Variants in FBXO25 observed in about 807,000 individuals in gnomAD.
FBXO25 encodes the protein F-box protein 25, also known as F-box only protein 25.
A neutral mutation model predicts 51.9 loss-of-function variants in FBXO25; 45 were observed. The ratio of observed to expected loss-of-function variants is 0.87; its 90% CI spans 0.68 to 1.11. FBXO25 has a LOEUF of 1.11. FBXO25 is among the 50% of genes most tolerant of loss of function. The pLI, the probability that FBXO25 is intolerant of heterozygous loss-of-function variation, is 0.00. For synonymous variants in FBXO25, 199 were observed against 151.0 expected (o/e 1.32, Z -2.33); for missense variants, 507 against 428.5 (o/e 1.18, Z -1.62).
At chr8:437,128 T>C (rs1176135048) in intron 5 of FBXO25, among the ~76,000 whole-genome samples, 7 of 152,220 alleles carry the variant, frequency 4.6e-5, no homozygotes, top group Admixed American at 4.6e-4. Flanking sequence ...TCAAATTTAC[T>C]TTTCTAAACA....
chr8:456,055 T>A (rs995493278), intron 7 of FBXO25, among the ~76,000 whole-genome samples: 1 of 152,232 alleles, frequency 6.6e-6, no homozygotes, highest in Non-Finnish European at 1.5e-5. Context: ...CCTTTAAAGT[T>A]TGTAATTTTA....
chr8:429,811 G>A (rs1411754959), intron 2 of FBXO25, among the ~76,000 whole-genome samples: 1 of 152,226 alleles, frequency 6.6e-6, no homozygotes, highest in Non-Finnish European at 1.5e-5. Flanking sequence ...GCAGGCCCAG[G>A]AAGTGTCCCA....
chr8:469,539 A>T lies in FBXO25; in HGVS notation c.*735A>T, dbSNP rs1321482845. ...CTTCAATTGTGTTGAAACTACTTTA[A>T]TAGACAAAGTAATAAATCATGTTTA... On this transcript the variant is annotated 3_prime_UTR_variant, in exon 10 of 10. Coordinates refer to ENST00000350302, the MANE Select transcript of FBXO25 (RefSeq NM_183420.2). 1 of 152,226 alleles carries T rather than the reference A, an allele frequency of 6.6e-6. No homozygotes were observed. Among genetic ancestry groups the T allele is most frequent in the Non-Finnish European group, 1.5e-5 (1 of 68,040 alleles). 9.4% of individuals were successfully genotyped at this position (152,226 alleles called of 1,614,324 possible). A position where few individuals can be genotyped will look rare whatever the true frequency, so the allele number is the denominator to read the frequency against.
chr8:474,049 TACA>T lies in FBXO25; in HGVS notation c.*5247_*5249del, dbSNP rs1800568554. 1 of 152,300 alleles carries T rather than the reference TACA, an allele frequency of 6.6e-6. No homozygotes were observed. Among genetic ancestry groups the T allele is most frequent in the Non-Finnish European group, 1.5e-5 (1 of 68,134 alleles). The allele number at this position is 152,300 out of a possible 1,614,324, so 9.4% of individuals were successfully genotyped here. On this transcript the variant is annotated 3_prime_UTR_variant, in exon 10 of 10. Coordinates refer to ENST00000350302, the MANE Select transcript of FBXO25 (RefSeq NM_183420.2). ...TACCACGTATCCACAAGTTCAACTT[TACA>T]AGATGAACTTTTGTCATCTTGTAAA... is the stretch of plus-strand genomic sequence containing the variant.
At chr8:426,290 T>A (rs1220713978) in intron 2 of FBXO25, among the ~76,000 whole-genome samples, 6 of 152,230 alleles carry the variant, frequency 3.9e-5, no homozygotes, top group African/African-American at 1.4e-4. Context: ...ACTTTTACCC[T>A]TGATAGTCAC....
At chr8:460,169 C>T (rs1310665191) in intron 8 of FBXO25, among the ~76,000 whole-genome samples, 2 of 152,208 alleles carry the variant, frequency 1.3e-5, no homozygotes, top group African/African-American at 2.4e-5. Flanking sequence ...CCGAGCTGTT[C>T]CCAAAAGGCG....
rs1411367184 is a variant in FBXO25 at position 472,866 on chromosome 8, A to T, written c.*4062A>T. 6.6e-6 allele frequency: 1 copy of T among 152,270 alleles called. No homozygotes were observed. The highest frequency in any genetic ancestry group is 6.5e-5 in the Admixed American group (1 of 15,284). 9.4% of individuals were successfully genotyped at this position (152,270 alleles called of 1,614,324 possible). On this transcript the variant is annotated 3_prime_UTR_variant, in exon 10 of 10. Coordinates refer to ENST00000350302, the MANE Select transcript of FBXO25 (RefSeq NM_183420.2). ...TGCCCTCTGAGAAAAGTCAGAAGCA[A>T]GCCTGCCTTATGAAACTCGACTTTT...
chr8:422,934 A>T (rs7836024), intron 2 of FBXO25, among the ~76,000 whole-genome samples: 3,604 of 152,154 alleles, frequency 0.024, 89 homozygotes, highest in East Asian at 0.12. Flanking sequence ...TTAAAAGTCT[A>T]TTCTGCTGTA....
chr8:407,223 G>C (rs1403326950), intron 1 of FBXO25, among the ~76,000 whole-genome samples, 157 bp downstream of exon 1: 3 of 149,756 alleles, frequency 2.0e-5, no homozygotes, highest in Non-Finnish European at 3.0e-5. Flanking sequence ...GGAAGACATG[G>C]GGTCGCGAGC....
At chr8:449,337 C>T (rs1237136014) in intron 5 of FBXO25, among the ~76,000 whole-genome samples, 1 of 152,216 alleles carries the variant, frequency 6.6e-6, no homozygotes, top group Non-Finnish European at 1.5e-5. Flanking sequence ...GGAGCAGCGG[C>T]GAGGGCCTCG....
chr8:407,985 A>G (rs1796266189), intron 1 of FBXO25, among the ~76,000 whole-genome samples: 2 of 152,028 alleles, frequency 1.3e-5, no homozygotes, highest in African/African-American at 4.8e-5. Context: ...CTGCCTCCAA[A>G]TCCTTACCAT....
rs187108908 is a variant in FBXO25, at chr8:475,455, G to T, written c.*6651G>T. The T allele has an allele frequency of 6.9e-6, 1 of 145,350 alleles. No individual in the cohort carries two copies. The highest frequency in any genetic ancestry group is 6.9e-5 in the Admixed American group (1 of 14,540). The allele number at this position is 145,350 out of a possible 1,614,324, so 9.0% of individuals were successfully genotyped here. A position where few individuals can be genotyped will look rare whatever the true frequency, so the allele number is the denominator to read the frequency against. On this transcript the variant is annotated 3_prime_UTR_variant, in exon 10 of 10. Coordinates refer to ENST00000350302, the MANE Select transcript of FBXO25 (RefSeq NM_183420.2). ...GAGATTCCATATGAGTTTCAGGATG[G>T]AAAAAAAAAAGCCACTGGGATATTC...
intron 5 of FBXO25, among the ~76,000 whole-genome samples, chr8:437,738 TA>T (rs1247662995): frequency 7.3e-6 from 1 of 136,884 alleles, no homozygotes; most frequent in Non-Finnish European, 1.6e-5. Flanking sequence ...CAGTGTGTGC[TA>T]TTTTTTTTTT....
At chr8:432,734 A>G in intron 3 of FBXO25, 152 bp from the exon 4 acceptor site, 1 of 966,958 alleles carries the variant, frequency 1.0e-6, no homozygotes, top group South Asian at 2.0e-5. Context: ...AAACAAAGCA[A>G]TTCTGTTTGC....
intron 2 of FBXO25, among the ~76,000 whole-genome samples, chr8:417,417 G>A (rs1318220265): frequency 6.6e-6 from 1 of 152,242 alleles, no homozygotes; most frequent in East Asian, 1.9e-4. Flanking sequence ...GGCGGTGGAT[G>A]AGGAAGGGCT....
At chr8:431,735 C>A (rs1490652255) in intron 3 of FBXO25, among the ~76,000 whole-genome samples, 4 of 152,170 alleles carry the variant, frequency 2.6e-5, no homozygotes, top group Non-Finnish European at 5.9e-5. Context: ...TGAGGCCAAA[C>A]TGAGAGGTGT....
In FBXO25 at chr8:470,677, A is replaced by C. The variant is rs1800454231; in HGVS notation, c.*1873A>C. The stretch of plus-strand genomic sequence containing the variant: ...ATTACAGGCATGAGCCACCACGTCC[A>C]GCTGAGAAAAGAAATTGTTCTAATC... On this transcript the variant is annotated 3_prime_UTR_variant, in exon 10 of 10. Transcript: ENST00000350302. 1 of 152,188 alleles carries C rather than the reference A, an allele frequency of 6.6e-6. No homozygotes were observed. Among genetic ancestry groups the C allele is most frequent in the African/African-American group, 2.4e-5 (1 of 41,430 alleles). 9.4% of individuals were successfully genotyped at this position (152,188 alleles called of 1,614,324 possible). A position where few individuals can be genotyped will look rare whatever the true frequency, so the allele number is the denominator to read the frequency against.
intron 5 of FBXO25, among the ~76,000 whole-genome samples, chr8:441,508 T>G (rs1220955849): frequency 1.3e-5 from 2 of 152,136 alleles, no homozygotes; most frequent in Non-Finnish European, 2.9e-5. Flanking sequence ...AAAGCCAAAA[T>G]TGACAAATGG....
Position 468,745 on chromosome 8 carries a change from C to A in FBXO25, c.1018C>A (p.Pro340Thr). 1 of 1,614,070 alleles carries A rather than the reference C, an allele frequency of 6.2e-7. No homozygotes were observed. Among genetic ancestry groups the A allele is most frequent in the South Asian group, 1.1e-5 (1 of 91,076 alleles). The stretch of plus-strand genomic sequence containing the variant: ...AGGACACCCCTGCACGGCGGCCGAC[C>A]CTGACAGCTGCTTCACGCCTGTGTC... ...DSGHPCTAAD[P>T]DSCFTPVSPQ... Residue 340 changes from proline to threonine, a missense_variant, in exon 10 of 10, where the codon CCT becomes ACT. By Grantham distance (38) the Pro-to-Thr change is conservative. Transcript: ENST00000350302.
Sources: gnomAD v4.1 joint callset for allele counts (sites outside exome capture counted in the v4.1 genomes callset) on GRCh38, gnomAD v4.1.1 for gene constraint, MANE v1.5 for transcripts, NCBI Gene and HGNC (gene_info 2026-07-23, HGNC 2026-07-21) for gene names.